The following GMDS variants were observed in gnomAD, a reference collection of about 807,000 sequenced individuals.
GMDS encodes the protein GDP-mannose 4,6-dehydratase, also known as GDP-mannose 4,6 dehydratase.
GMDS carries 20 observed loss-of-function variants against 49.9 expected under a neutral mutation model. The ratio of observed to expected loss-of-function variants is 0.40; its 90% CI spans 0.28 to 0.58. The LOEUF (loss-of-function observed/expected upper bound fraction) is 0.58. Among genes scored for constraint, GMDS ranks in the 20% least tolerant of loss-of-function variants. GMDS has a pLI of 0.42. For synonymous variants in GMDS, 177 were observed against 178.6 expected (o/e 0.99, Z 0.07); for missense variants, 362 against 481.4 (o/e 0.75, Z 2.32).
intron 1 of GMDS, among the ~76,000 whole-genome samples, chr6:2,144,063 C>G (rs1210505155): frequency 6.6e-6 from 1 of 152,120 alleles, no homozygotes; most frequent in African/African-American, 2.4e-5. Flanking sequence ...GCAATATTTA[C>G]CACAGGCAGC....
At chr6:2,188,079 G>A (rs773520415) in intron 1 of GMDS, among the ~76,000 whole-genome samples, 18 of 152,186 alleles carry the variant, frequency 1.2e-4, no homozygotes, top group African/African-American at 1.7e-4. Context: ...CATGCAGGCT[G>A]GTTCTCAATT....
At chr6:1,673,967 A>ATTTTTTTTTTTTTTTTTTT (rs1554106276) in intron 9 of GMDS, among the ~76,000 whole-genome samples, 1 of 149,992 alleles carries the variant, frequency 6.7e-6, no homozygotes, top group African/African-American at 2.4e-5. Flanking sequence ...GTTTAGGTTG[A>ATTTTTTTTTTTTTTTTTTT]TTATTAATAA....
At chr6:1,776,940 TAAGGAAGCAACA>T (rs1768862017) in intron 7 of GMDS, among the ~76,000 whole-genome samples, 1 of 152,186 alleles carries the variant, frequency 6.6e-6, no homozygotes, top group South Asian at 2.1e-4. Context: ...CCTCATCAAC[TAAGGAAGCAACA>T]ACAAGAGCAT....
chr6:1,999,970 T>TATTTTATATATATTATTATA (rs1554144011), intron 4 of GMDS, among the ~76,000 whole-genome samples: 1 of 11,194 alleles, frequency 8.9e-5, no homozygotes, highest in African/African-American at 2.3e-4. Context: ...TATATATATA[T>TATTTTATATATATTATTATA]TATATATATA....
At chr6:2,097,911 G>C (rs1174593687) in intron 4 of GMDS, among the ~76,000 whole-genome samples, 2 of 124,126 alleles carry the variant, frequency 1.6e-5, no homozygotes, top group East Asian at 2.8e-4. Flanking sequence ...TCTAAATTTA[G>C]TACGACTATA....
intron 4 of GMDS, among the ~76,000 whole-genome samples, chr6:1,982,411 G>T (rs1765271919): frequency 6.6e-6 from 1 of 152,138 alleles, no homozygotes; most frequent in African/African-American, 2.4e-5. Flanking sequence ...AGAAATATAA[G>T]GTATTCAAAC....
At chr6:1,634,376 G>A (rs1264816425) in intron 9 of GMDS, among the ~76,000 whole-genome samples, 2 of 152,232 alleles carry the variant, frequency 1.3e-5, no homozygotes, top group East Asian at 3.8e-4. Flanking sequence ...AAGTGAAGCT[G>A]TGACCCTGAG....
At chr6:1,644,474 T>C (rs1763429147) in intron 9 of GMDS, among the ~76,000 whole-genome samples, 1 of 152,234 alleles carries the variant, frequency 6.6e-6, no homozygotes, top group South Asian at 2.1e-4. Context: ...TGCACTTTGC[T>C]CCTGCCTTTC....
chr6:2,195,468 T>A (rs940659964), intron 1 of GMDS, among the ~76,000 whole-genome samples: 49 of 152,326 alleles, frequency 3.2e-4, no homozygotes, highest in Middle Eastern at 3.4e-3. Flanking sequence ...CTTTGCTGCA[T>A]ATATATTCTA....
chr6:2,203,105 C>T (rs1474741188), intron 1 of GMDS, among the ~76,000 whole-genome samples: 1 of 152,066 alleles, frequency 6.6e-6, no homozygotes, highest in Non-Finnish European at 1.5e-5. Flanking sequence ...ATCAAATTGC[C>T]AACATAAATT....
intron 7 of GMDS, among the ~76,000 whole-genome samples, chr6:1,924,577 G>A (rs1256896541): frequency 6.6e-6 from 1 of 152,184 alleles, no homozygotes; most frequent in Non-Finnish European, 1.5e-5. Context: ...CTATAGTTGT[G>A]TTTCACATAT....
chr6:1,714,580 C>T (rs1410495843), intron 9 of GMDS, among the ~76,000 whole-genome samples: 1 of 152,144 alleles, frequency 6.6e-6, no homozygotes, highest in African/African-American at 2.4e-5. Flanking sequence ...CAGAGAAACG[C>T]GTGTCATGGG....
chr6:2,204,408 C>A (rs1355489416), intron 1 of GMDS, among the ~76,000 whole-genome samples: 1 of 152,160 alleles, frequency 6.6e-6, no homozygotes, highest in East Asian at 1.9e-4. Context: ...CCCTTTCACT[C>A]ATTCAACTAA....
intron 4 of GMDS, among the ~76,000 whole-genome samples, chr6:2,069,789 G>A (rs2127457575): frequency 6.6e-6 from 1 of 152,152 alleles, no homozygotes; most frequent in African/African-American, 2.4e-5. Flanking sequence ...AGAGGATGTG[G>A]AGAAATAGGA....
At chr6:1,940,259 T>C (rs527890448) in intron 6 of GMDS, among the ~76,000 whole-genome samples, 15 of 152,374 alleles carry the variant, frequency 9.8e-5, no homozygotes, top group East Asian at 1.9e-4. Flanking sequence ...ATTTGTCTAA[T>C]AAAAATTCTA....
chr6:1,656,877 T>G (rs1763899832), intron 9 of GMDS, among the ~76,000 whole-genome samples: 1 of 152,042 alleles, frequency 6.6e-6, no homozygotes, highest in Non-Finnish European at 1.5e-5. Flanking sequence ...GTTGGAGAAG[T>G]GCTGAGTGTC....
intron 7 of GMDS, among the ~76,000 whole-genome samples, chr6:1,792,657 T>A (rs568142048): frequency 3.9e-4 from 59 of 152,196 alleles, no homozygotes; most frequent in Admixed American, 5.9e-4. Flanking sequence ...AAAAATGATA[T>A]GTGTTTGAAA....
chr6:1,952,070 C>T (rs1763366527), intron 6 of GMDS: 3 of 855,616 alleles, frequency 3.5e-6, no homozygotes, highest in South Asian at 5.3e-5. Context: ...TCCGTGTTAG[C>T]ATTTATTGGC....
intron 7 of GMDS, among the ~76,000 whole-genome samples, chr6:1,822,739 T>C (rs1011290346): frequency 1.3e-5 from 2 of 152,218 alleles, no homozygotes; most frequent in African/African-American, 4.8e-5. Flanking sequence ...CTTTTTCTTA[T>C]ATGAGATGCT....
Sources: allele counts gnomAD v4.1 joint callset (sites outside exome capture counted in the v4.1 genomes callset), GRCh38; gene constraint gnomAD v4.1.1; transcripts MANE v1.5; gene names NCBI Gene and HGNC (gene_info 2026-07-23, HGNC 2026-07-21).